AVL9: variants seen among roughly 807,000 people sequenced by gnomAD.
AVL9 encodes AVL9 cell migration associated, also known as late secretory pathway protein AVL9 homolog.
A neutral mutation model predicts 79.2 loss-of-function variants in AVL9; 49 were observed. The ratio of observed to expected loss-of-function variants is 0.62; its 90% CI spans 0.49 to 0.79. The LOEUF is 0.79. AVL9 is among the 30% of genes least tolerant of loss of function. The pLI is 0.00. For synonymous variants in AVL9, 299 were observed against 280.6 expected (o/e 1.07, Z -0.65); for missense variants, 682 against 776.8 (o/e 0.88, Z 1.45).
chr7:32,562,493 G>C, intron 10 of AVL9: 1 of 315,530 alleles, frequency 3.2e-6, no homozygotes, highest in Non-Finnish European at 4.6e-6. Context: ...CATTCAGAAT[G>C]TATTTGAAAT....
chr7:32,572,189 G>T (rs1181146289), intron 11 of AVL9, among the ~76,000 whole-genome samples: 7 of 146,036 alleles, frequency 4.8e-5, no homozygotes, highest in Non-Finnish European at 1.0e-4. Context: ...AAAAAATTCA[G>T]CCACACTGAG....
chr7:32,499,864 G>T (rs1201893605), intron 1 of AVL9, among the ~76,000 whole-genome samples: 1 of 152,146 alleles, frequency 6.6e-6, no homozygotes, highest in Non-Finnish European at 1.5e-5. Context: ...TTGTGTTCCT[G>T]TGTTAGTTTG....
At chr7:32,546,682 G>GAC (rs1789522784) in intron 3 of AVL9, among the ~76,000 whole-genome samples, 2 of 152,154 alleles carry the variant, frequency 1.3e-5, no homozygotes, top group African/African-American at 4.8e-5. Context: ...AATTAGCCAG[G>GAC]TGTGGCAGCG....
chr7:32,572,233 A>G (rs1790883311), intron 11 of AVL9, among the ~76,000 whole-genome samples: 3 of 151,362 alleles, frequency 2.0e-5, no homozygotes, highest in African/African-American at 7.4e-5. Flanking sequence ...GTATGAAAAC[A>G]TGTTTCTTGG....
chr7:32,575,351 G>A (rs187214950), intron 12 of AVL9, among the ~76,000 whole-genome samples: 3 of 151,954 alleles, frequency 2.0e-5, no homozygotes, highest in Admixed American at 6.6e-5. Context: ...CGCCCTCCTC[G>A]ACCTCCCAAA....
chr7:32,566,258 C>T (rs1332820011), intron 10 of AVL9, among the ~76,000 whole-genome samples: 1 of 130,024 alleles, frequency 7.7e-6, no homozygotes, highest in African/African-American at 2.9e-5. Flanking sequence ...CTCTCTGCAA[C>T]CTCCACCTCC....
chr7:32,562,636 T>C, intron 10 of AVL9: 1 of 984,530 alleles, frequency 1.0e-6, no homozygotes, highest in Middle Eastern at 5.2e-4. Context: ...AAAGTTACAC[T>C]GGACTGGACA....
At chr7:32,580,336 G>A in intron 14 of AVL9, 64 bp downstream of exon 14, 2 of 1,296,494 alleles carry the variant, frequency 1.5e-6, no homozygotes, top group Non-Finnish European at 2.2e-6. Flanking sequence ...GTGTTTCATT[G>A]CTAATTGGGA....
Position 32,584,186 on chromosome 7 carries a change from G to T in AVL9, c.*279G>T. 1 of 419,152 alleles carries T rather than the reference G, an allele frequency of 2.4e-6. No individual in the cohort carries two copies. The allele number at this position is 419,152 out of a possible 1,614,324, so 26.0% of individuals were successfully genotyped here. A position where few individuals can be genotyped will look rare whatever the true frequency, so the allele number is the denominator to read the frequency against. ...AACCTTCTAATGAATTTTGAGTTCTGATATTGTACATTGGTTTACTTTAGA... is the reference window on the plus strand; with the variant it reads ...AACCTTCTAATGAATTTTGAGTTCTTATATTGTACATTGGTTTACTTTAGA... On this transcript the variant is annotated 3_prime_UTR_variant, in exon 16 of 16. Transcript: ENST00000318709.
chr7:32,559,042 T>A lies in AVL9; in HGVS notation c.793T>A (p.Ser265Thr). The change falls in exon 10 of 16, where the codon TCC becomes ACC. Residue 265 changes from serine (S) to threonine (T), a missense_variant. Ser to Thr is a moderately conservative substitution (Grantham distance 58). Coordinates refer to ENST00000318709, the MANE Select transcript of AVL9 (RefSeq NM_015060.3). ...NPCADDFVSA[S>T]TADVSHTNLG... is the part of the protein sequence containing the mutation. ...ATGTGCAGATGATTTTGTTTCTGCA[T>A]CCACTGCTGATGTTTCACATACCAA... 6.2e-7 allele frequency: 1 copy of A among 1,614,158 alleles called. No homozygotes were observed. The highest frequency in any genetic ancestry group is 8.5e-7 in the Non-Finnish European group (1 of 1,180,012).
intron 1 of AVL9, among the ~76,000 whole-genome samples, chr7:32,518,172 T>G (rs945262020): frequency 1.3e-5 from 2 of 152,204 alleles, no homozygotes; most frequent in African/African-American, 4.8e-5. Context: ...GATATTAGTT[T>G]AGTGAAAATA....
intron 15 of AVL9, among the ~76,000 whole-genome samples, chr7:32,582,479 A>G (rs558005528): frequency 3.1e-4 from 48 of 152,394 alleles, no homozygotes; most frequent in African/African-American, 1.1e-3. Context: ...ATTTATTTCC[A>G]AACAATATGC....
intron 2 of AVL9, 130 bp from the exon 3 acceptor site, chr7:32,544,564 A>G: frequency 4.7e-6 from 3 of 634,046 alleles, no homozygotes; most frequent in South Asian, 4.6e-5. Flanking sequence ...GCTACAAATA[A>G]GTATGATTTG....
intron 1 of AVL9, among the ~76,000 whole-genome samples, chr7:32,515,503 G>T (rs1311967976): frequency 6.6e-6 from 1 of 152,164 alleles, no homozygotes. Flanking sequence ...TTCCAACAAG[G>T]AAAGCAAGTT....
In AVL9 at chr7:32,503,701, G is replaced by A. The variant is rs185935254; in HGVS notation, c.93+7899G>A. ...ACAAGGTTCTTTTTTTTTTTGTTTC[G>A]AGACGGAGTCTCACTCTGCCACCCA... On this transcript the variant is annotated intron_variant, in intron 1 of 15. Coordinates refer to ENST00000318709, the MANE Select transcript of AVL9 (RefSeq NM_015060.3). 3.7e-4 allele frequency among the ~76,000 whole-genome samples: 55 copies of A among 147,244 alleles called. No individual in the cohort carries two copies. The East Asian group carries it at 9.2e-3, about 25-fold the overall frequency.
intron 1 of AVL9, among the ~76,000 whole-genome samples, chr7:32,540,732 C>T (rs1215427204): frequency 6.6e-6 from 1 of 151,996 alleles, no homozygotes; most frequent in Non-Finnish European, 1.5e-5. Flanking sequence ...GCCAGTGTAC[C>T]GTACATTCCT....
chr7:32,524,605 C>T (rs1444091448), intron 1 of AVL9, among the ~76,000 whole-genome samples: 1 of 152,074 alleles, frequency 6.6e-6, no homozygotes, highest in Non-Finnish European at 1.5e-5. Flanking sequence ...GATGTTTCCC[C>T]TATCTAGTGC....
intron 3 of AVL9, among the ~76,000 whole-genome samples, chr7:32,547,498 G>A (rs1789574756): frequency 6.6e-6 from 1 of 152,182 alleles, no homozygotes; most frequent in East Asian, 1.9e-4. Flanking sequence ...GTAAGCACTA[G>A]TAAAATTATT....
At chr7:32,512,648 G>A (rs1787731386) in intron 1 of AVL9, among the ~76,000 whole-genome samples, 1 of 152,114 alleles carries the variant, frequency 6.6e-6, no homozygotes, top group Admixed American at 6.5e-5. Context: ...ATGCCTTTCT[G>A]TTCACTGGAA....
Sources: allele counts gnomAD v4.1 joint callset (sites outside exome capture counted in the v4.1 genomes callset), GRCh38; gene constraint gnomAD v4.1.1; transcripts MANE v1.5; gene names NCBI Gene and HGNC (gene_info 2026-07-23, HGNC 2026-07-21).